Variants in SEZ6L observed in about 807,000 individuals in gnomAD.
The protein encoded by SEZ6L is seizure 6-like protein.
In SEZ6L, 37 loss-of-function variants were observed where a neutral mutation model predicts 106.2. The ratio of observed to expected loss-of-function variants is 0.35; its 90% CI spans 0.27 to 0.46. SEZ6L has a LOEUF of 0.46. Ranked by LOEUF, SEZ6L falls within the 20% of genes least tolerant of loss-of-function variation. The probability of loss-of-function intolerance (pLI) is 1.00; values close to 1 mark genes in which losing one functional copy is unlikely to be tolerated. For missense variants in SEZ6L, 1,172 were observed against 1,332.8 expected (o/e 0.88, Z 1.88); for synonymous variants, 541 against 570.4 (o/e 0.95, Z 0.73).
chr22:26,322,767 C>T (rs1401037796), intron 9 of SEZ6L, among the ~76,000 whole-genome samples: 1 of 152,170 alleles, frequency 6.6e-6, no homozygotes, highest in Non-Finnish European at 1.5e-5. Context: ...CAGGAGCCCT[C>T]AGGCTAAACC....
chr22:26,227,995 A>G (rs956362596), intron 1 of SEZ6L, among the ~76,000 whole-genome samples: 3 of 152,250 alleles, frequency 2.0e-5, no homozygotes, highest in African/African-American at 7.2e-5. Flanking sequence ...ATGTGCATTG[A>G]TAAAATTGTC....
rs372477536 is a variant in SEZ6L at position 26,331,959 on chromosome 22, C to G, written c.2016-8477C>G. On this transcript the variant is annotated intron_variant, in intron 9 of 16. Transcript: ENST00000248933. ...GAGATCGTGCCACTGCACTCCAGCCCGGGCAACAGAGCAAGACTGTGTCTC... is the reference window on the plus strand; with the variant it reads ...GAGATCGTGCCACTGCACTCCAGCCGGGGCAACAGAGCAAGACTGTGTCTC... 1.1e-3 allele frequency among the ~76,000 whole-genome samples: 171 copies of G among 151,752 alleles called. 1 individual carries two copies. Among genetic ancestry groups the G allele is most frequent in the African/African-American group, 4.0e-3 (165 of 41,384 alleles).
At chr22:26,373,004 T>C (rs1178550404) in intron 13 of SEZ6L, among the ~76,000 whole-genome samples, 1 of 152,196 alleles carries the variant, frequency 6.6e-6, no homozygotes, top group Non-Finnish European at 1.5e-5. Flanking sequence ...ACCAGAGAGC[T>C]TGAGCAGCCC....
At chr22:26,346,966 G>T (rs1601567009) in intron 10 of SEZ6L, among the ~76,000 whole-genome samples, 1 of 151,960 alleles carries the variant, frequency 6.6e-6, no homozygotes, top group Admixed American at 6.6e-5. Flanking sequence ...GGCCCAGGCG[G>T]TAGGATTGCT....
At chr22:26,252,971 G>A (rs1021186334) in intron 1 of SEZ6L, among the ~76,000 whole-genome samples, 1 of 152,166 alleles carries the variant, frequency 6.6e-6, no homozygotes, top group Non-Finnish European at 1.5e-5. Context: ...TTGTAGTTCT[G>A]CTTTAAGTTC....
chr22:26,380,945 C>A lies in SEZ6L; in HGVS notation c.*650C>A, dbSNP rs2084392892. On this transcript the variant is annotated 3_prime_UTR_variant, in exon 17 of 17. Coordinates refer to ENST00000248933, the MANE Select transcript of SEZ6L (RefSeq NM_021115.5). ...CAGTGACAAAACAAGAAAACGTTTT[C>A]TTTCTAGAAAGGTGATAAACGACCA... 1 of 152,130 alleles carries A rather than the reference C, an allele frequency of 6.6e-6. No individual in the cohort carries two copies. The highest frequency in any genetic ancestry group is 2.1e-4 in the South Asian group (1 of 4,828). The allele number at this position is 152,130 out of a possible 1,614,324, so 9.4% of individuals were successfully genotyped here.
At chr22:26,267,620 C>T (rs1019385224) in intron 1 of SEZ6L, among the ~76,000 whole-genome samples, 2 of 152,142 alleles carry the variant, frequency 1.3e-5, no homozygotes, top group African/African-American at 4.8e-5. Context: ...CTGTTTGCTG[C>T]AGGATTTGTC....
intron 1 of SEZ6L, among the ~76,000 whole-genome samples, chr22:26,283,932 T>A (rs979543629): frequency 3.3e-5 from 5 of 152,218 alleles, no homozygotes; most frequent in Non-Finnish European, 7.3e-5. Context: ...TTGACTGAAA[T>A]ATTTCAAAAT....
chr22:26,347,752 C>G lies in SEZ6L; in HGVS notation c.2246C>G (p.Pro749Arg). 6.2e-7 allele frequency: 1 copy of G among 1,609,292 alleles called. No homozygotes were observed. The highest frequency in any genetic ancestry group is 8.5e-7 in the Non-Finnish European group (1 of 1,178,230). The stretch of plus-strand genomic sequence containing the variant: ...AGGAATGACTCCTGCTCGGATTTAC[C>G]CGAGATCCAGAATGGCTGGAAAACC... ...VSRNDSCSDL[P>R]EIQNGWKTTS... Residue 749 changes from proline to arginine, a missense_variant, in exon 11 of 17, where the codon CCC becomes CGC. Pro to Arg is a moderately radical substitution (Grantham distance 103, BLOSUM62 -2). This residue lies in a region of SEZ6L where 534 missense variants were observed against 691.0 expected (regional missense o/e 0.77). Transcript: ENST00000248933.
At chr22:26,363,708 T>C (rs2083712166) in intron 12 of SEZ6L, among the ~76,000 whole-genome samples, 1 of 152,200 alleles carries the variant, frequency 6.6e-6, no homozygotes, top group Non-Finnish European at 1.5e-5. Flanking sequence ...TAGCTTAACA[T>C]GTACACCCAT....
chr22:26,316,382 A>T (rs1020862501), intron 9 of SEZ6L, among the ~76,000 whole-genome samples: 2 of 152,230 alleles, frequency 1.3e-5, no homozygotes, highest in African/African-American at 4.8e-5. Flanking sequence ...CTCACCCTGC[A>T]TGCCTAGCAG....
chr22:26,323,005 G>C (rs115718891), intron 9 of SEZ6L, among the ~76,000 whole-genome samples: 1 of 152,182 alleles, frequency 6.6e-6, no homozygotes, highest in African/African-American at 2.4e-5. Flanking sequence ...ATTGGTGAAG[G>C]CATCGTAGAA....
At chr22:26,264,357 C>G (rs527857941) in intron 1 of SEZ6L, among the ~76,000 whole-genome samples, 1 of 152,198 alleles carries the variant, frequency 6.6e-6, no homozygotes, top group African/African-American at 2.4e-5. Context: ...AGCTGTGTGA[C>G]CTTTGGCAAA....
intron 1 of SEZ6L, among the ~76,000 whole-genome samples, chr22:26,229,550 G>C (rs2078735593): frequency 6.6e-6 from 1 of 152,220 alleles, no homozygotes; most frequent in African/African-American, 2.4e-5. Context: ...GTGAGGCCCA[G>C]CAATCTGTGA....
At chr22:26,328,427 T>C (rs2082385544) in intron 9 of SEZ6L, among the ~76,000 whole-genome samples, 2 of 152,238 alleles carry the variant, frequency 1.3e-5, no homozygotes, top group Admixed American at 6.5e-5. Flanking sequence ...TCAGAGAGGC[T>C]AATCTGCTTC....
At chr22:26,200,939 C>G (rs1940901847) in intron 1 of SEZ6L, among the ~76,000 whole-genome samples, 1 of 152,106 alleles carries the variant, frequency 6.6e-6, no homozygotes, top group African/African-American at 2.4e-5. Flanking sequence ...CTCCTCCAGT[C>G]AAAACCCCAA....
chr22:26,170,552 A>G (rs907953222), intron 1 of SEZ6L, among the ~76,000 whole-genome samples: 3 of 152,006 alleles, frequency 2.0e-5, no homozygotes, highest in African/African-American at 7.3e-5. Context: ...TTTAGCAGAG[A>G]ATGACAGCTC....
chr22:26,307,572 C>G (rs748843797), intron 6 of SEZ6L, among the ~76,000 whole-genome samples: 2 of 152,002 alleles, frequency 1.3e-5, no homozygotes, highest in African/African-American at 4.8e-5. Flanking sequence ...AACTCTATAT[C>G]GATAAATTGC....
In SEZ6L at chr22:26,310,762, A is replaced by C. The variant is rs2081797261; in HGVS notation, c.1607A>C (p.Glu536Ala). The change falls in exon 7 of 17, where the codon GAA becomes GCA. Residue 536 changes from glutamate (E) to alanine (A), a missense_variant. Transcript: ENST00000248933. ...GTCCCTTTTGAGGGCCTGCTGAGCG[A>C]AGGCAACACCATCCGCATCGAGTTC... is the stretch of plus-strand genomic sequence containing the variant. ...ESVPFEGLLS[E>A]GNTIRIEFTS... 1 of 1,613,896 alleles carries C rather than the reference A, an allele frequency of 6.2e-7. No individual in the cohort carries two copies. The highest frequency in any genetic ancestry group is 1.7e-5 in the Admixed American group (1 of 59,996).
Sources: allele counts gnomAD v4.1 joint callset (sites outside exome capture counted in the v4.1 genomes callset), GRCh38; gene constraint gnomAD v4.1.1; regional missense constraint gnomAD v4.1.1; transcripts MANE v1.5; gene names NCBI Gene and HGNC (gene_info 2026-07-23, HGNC 2026-07-21).